Variants in AGBL4 observed in about 807,000 individuals in gnomAD.
AGBL4 encodes cytosolic carboxypeptidase 6.
In AGBL4, 58 loss-of-function variants were observed where a neutral mutation model predicts 66.4. The ratio of observed to expected loss-of-function variants is 0.87; its 90% confidence interval spans 0.71 to 1.09. AGBL4 has a LOEUF of 1.09. AGBL4 is among the 50% of genes least tolerant of loss of function. The pLI is 0.00. For synonymous variants in AGBL4, 234 were observed against 222.9 expected (o/e 1.05, Z -0.44); for missense variants, 579 against 631.0 (o/e 0.92, Z 0.88).
chr1:49,213,336 G>A (rs1385687028), intron 4 of AGBL4, among the ~76,000 whole-genome samples: 1 of 152,078 alleles, frequency 6.6e-6, no homozygotes, highest in Non-Finnish European at 1.5e-5. Flanking sequence ...GAATATACAT[G>A]CCTGCCAAAT....
chr1:49,309,678 A>G (rs1644910753), intron 3 of AGBL4, among the ~76,000 whole-genome samples: 1 of 151,922 alleles, frequency 6.6e-6, no homozygotes, highest in Admixed American at 6.6e-5. Context: ...CAAGTGGTAG[A>G]CGCAAATAAT....
At chr1:48,677,415 C>G (rs992368615) in intron 6 of AGBL4, among the ~76,000 whole-genome samples, 23 of 151,648 alleles carry the variant, frequency 1.5e-4, no homozygotes, top group Admixed American at 1.4e-3. Flanking sequence ...CAAATACATG[C>G]ATGTCAGGGT....
intron 5 of AGBL4, among the ~76,000 whole-genome samples, chr1:48,976,877 T>A (rs1659381753): frequency 6.6e-6 from 1 of 152,162 alleles, no homozygotes; most frequent in African/African-American, 2.4e-5. Context: ...AGATTTTATA[T>A]CACCCTCACT....
intron 2 of AGBL4, among the ~76,000 whole-genome samples, chr1:49,819,996 G>A (rs1205664280): frequency 1.1e-4 from 16 of 152,156 alleles, no homozygotes; most frequent in Admixed American, 1.0e-3. Flanking sequence ...AAGAACGCTA[G>A]GCACTAGGTC....
intron 5 of AGBL4, among the ~76,000 whole-genome samples, chr1:48,921,579 C>T (rs1654081556): frequency 6.6e-6 from 1 of 152,138 alleles, no homozygotes; most frequent in South Asian, 2.1e-4. Flanking sequence ...TTTGGATGCT[C>T]ACTGCTCTAG....
At chr1:49,245,007 G>C (rs1198487260) in intron 4 of AGBL4, among the ~76,000 whole-genome samples, 2 of 151,588 alleles carry the variant, frequency 1.3e-5, no homozygotes, top group African/African-American at 4.8e-5. Flanking sequence ...TCTTAACAAA[G>C]TACTTAACTT....
At chr1:49,671,370 G>T (rs1354420541) in intron 3 of AGBL4, among the ~76,000 whole-genome samples, 1 of 151,974 alleles carries the variant, frequency 6.6e-6, no homozygotes, top group Non-Finnish European at 1.5e-5. Flanking sequence ...AAACCCCAAA[G>T]TATAAAAACC....
chr1:48,977,490 C>T lies in AGBL4; in HGVS notation c.594+68094G>A, dbSNP rs551962906. The stretch of plus-strand genomic sequence containing the variant: ...GTTTCTCACACAGTGAGAACATAGA[C>T]ATCCGAGACTCAAGGGTGGAAATGA... On this transcript the variant is annotated intron_variant, in intron 5 of 13. Coordinates refer to ENST00000371839, the MANE Select transcript of AGBL4 (RefSeq NM_032785.4). 4.6e-5 allele frequency among the ~76,000 whole-genome samples: 7 copies of T among 152,212 alleles called. No homozygotes were observed. In the South Asian group the frequency reaches 1.5e-3, roughly 32 times the overall value.
intron 5 of AGBL4, among the ~76,000 whole-genome samples, chr1:48,899,179 C>T (rs556306238): frequency 2.6e-5 from 4 of 152,340 alleles, no homozygotes; most frequent in South Asian, 2.1e-4. Flanking sequence ...TGACGCCTGG[C>T]GTGTAGCCGT....
chr1:48,980,584 C>A (rs970171441), intron 5 of AGBL4, among the ~76,000 whole-genome samples: 2 of 151,510 alleles, frequency 1.3e-5, no homozygotes, highest in Non-Finnish European at 2.9e-5. Context: ...TCTGTAGTCA[C>A]AGCTACTTGG....
At chr1:49,671,868 C>A (rs1368068822) in intron 3 of AGBL4, among the ~76,000 whole-genome samples, 1 of 152,034 alleles carries the variant, frequency 6.6e-6, no homozygotes, top group East Asian at 1.9e-4. Flanking sequence ...GAAAATGGAA[C>A]CCTTATACAC....
chr1:49,342,663 C>T (rs1645563980), intron 3 of AGBL4, among the ~76,000 whole-genome samples: 1 of 152,134 alleles, frequency 6.6e-6, no homozygotes, highest in African/African-American at 2.4e-5. Context: ...GTGGCTAAGG[C>T]TTTGTCTTTT....
chr1:49,738,388 A>C (rs866883254), intron 2 of AGBL4, among the ~76,000 whole-genome samples: 1 of 152,208 alleles, frequency 6.6e-6, no homozygotes, highest in African/African-American at 2.4e-5. Flanking sequence ...AGGCTTGAGC[A>C]GGTAAACAAA....
chr1:49,568,936 T>C (rs971386373), intron 3 of AGBL4, among the ~76,000 whole-genome samples: 4 of 152,198 alleles, frequency 2.6e-5, no homozygotes, highest in Non-Finnish European at 2.9e-5. Flanking sequence ...CTCCCGCGTT[T>C]GTTACAACAC....
the AGBL4 span, among the ~76,000 whole-genome samples, chr1:48,524,010 C>G: frequency 6.6e-6 from 1 of 152,172 alleles, no homozygotes; most frequent in Non-Finnish European, 1.5e-5. Context: ...GTATTATAAT[C>G]TTATGGGACC....
intron 1 of AGBL4, among the ~76,000 whole-genome samples, chr1:49,860,862 A>G (rs1436898036): frequency 2.0e-5 from 3 of 152,216 alleles, no homozygotes; most frequent in African/African-American, 7.2e-5. Context: ...GAGCACTGAC[A>G]GTACCTGGTT....
chr1:49,208,636 A>G (rs1648432443), intron 4 of AGBL4, among the ~76,000 whole-genome samples: 1 of 152,200 alleles, frequency 6.6e-6, no homozygotes, highest in Middle Eastern at 3.4e-3. Context: ...ACTTCACTCT[A>G]AGAGATCTTT....
At chr1:48,589,185 T>G (rs1455153636) in intron 10 of AGBL4, among the ~76,000 whole-genome samples, 1 of 152,148 alleles carries the variant, frequency 6.6e-6, no homozygotes, top group Non-Finnish European at 1.5e-5. Context: ...CCTGCTTTGA[T>G]TCTATCATTA....
At chr1:49,340,100 CT>C (rs904931866) in intron 3 of AGBL4, among the ~76,000 whole-genome samples, 27 of 151,428 alleles carry the variant, frequency 1.8e-4, no homozygotes, top group African/African-American at 5.6e-4. Flanking sequence ...AATCCATGTT[CT>C]TTTTTTTCCC....
Sources: gnomAD v4.1 joint callset for allele counts (sites outside exome capture counted in the v4.1 genomes callset) on GRCh38, gnomAD v4.1.1 for gene constraint, MANE v1.5 for transcripts, NCBI Gene and HGNC (gene_info 2026-07-23, HGNC 2026-07-21) for gene names.